The following PPP4R4 variants were observed in gnomAD, a reference collection of about 807,000 sequenced individuals.
PPP4R4 encodes serine/threonine-protein phosphatase 4 regulatory subunit 4.
Under a neutral mutation model 121.8 loss-of-function variants are expected in PPP4R4, and 70 were observed. That is an observed-to-expected ratio of 0.57 (90% CI 0.47 to 0.70). The LOEUF (loss-of-function observed/expected upper bound fraction) is 0.70, where lower values mean the gene tolerates loss of function less well. Ranked by LOEUF, PPP4R4 falls within the 30% of genes least tolerant of loss-of-function variation. PPP4R4 has a pLI of 0.00. For missense variants in PPP4R4, 875 were observed against 1,033.6 expected (o/e 0.85, Z 2.10); for synonymous variants, 348 against 355.7 (o/e 0.98, Z 0.24).
At chr14:94,187,291 G>A (rs910227893) in intron 2 of PPP4R4, among the ~76,000 whole-genome samples, 9 of 152,034 alleles carry the variant, frequency 5.9e-5, no homozygotes, top group Non-Finnish European at 1.2e-4. Context: ...GGATGACAGA[G>A]CAAGACTCTG....
At position 94,256,464 on chromosome 14, in the gene PPP4R4, A is replaced by C. The variant is rs1211088406; in HGVS notation, c.1870A>C (p.Lys624Gln). The C allele has an allele frequency of 6.3e-7, 1 of 1,585,348 alleles. No homozygotes were observed. Reference protein sequence around the residue: ...THDPVANVRMKLCYLLPKVKS... With the variant: ...THDPVANVRMQLCYLLPKVKS... ...GTAAATACTATTTTATTGTAGAATG[A>C]AACTTTGCTACCTGTTGCCCAAAGT... The change falls in exon 17 of 25, where the codon AAA (lysine) becomes CAA (glutamine). Residue 624 changes from lysine (K) to glutamine (Q), a missense_variant. By Grantham distance (53) the Lys-to-Gln change is moderately conservative (BLOSUM62 1). Coordinates refer to ENST00000304338, the MANE Select transcript of PPP4R4 (RefSeq NM_058237.2).
chr14:94,235,955 G>T (rs1239686089), intron 7 of PPP4R4, among the ~76,000 whole-genome samples: 1 of 152,204 alleles, frequency 6.6e-6, no homozygotes, highest in Non-Finnish European at 1.5e-5. Flanking sequence ...AGGACAATCA[G>T]ATTGTGGTCA....
chr14:94,186,768 T>C (rs1889308907), intron 2 of PPP4R4, among the ~76,000 whole-genome samples: 1 of 152,220 alleles, frequency 6.6e-6, no homozygotes, highest in South Asian at 2.1e-4. Context: ...ATATGATCAG[T>C]CTTTTTAATT....
In PPP4R4 at chr14:94,240,690, A is replaced by G. The variant is rs779892770; in HGVS notation, c.871A>G (p.Ile291Val). The G allele has an allele frequency of 2.5e-6, 4 of 1,606,574 alleles. No homozygotes were observed. The African/African-American group carries it at 5.4e-5, about 22-fold the overall frequency. ...IFDTDDRSQTILPLVKSFCEK... is the reference protein window; with the variant it reads ...IFDTDDRSQTVLPLVKSFCEK... ...TTTTCCAGATGACAGAAGTCAAACT[A>G]TACTTCCCTTAGTGAAATCATTTTG... Residue 291 changes from isoleucine to valine, a missense_variant, in exon 9 of 25, where the codon ATA (isoleucine) becomes GTA (valine). By Grantham distance (29) the Ile-to-Val change is conservative (BLOSUM62 3). Coordinates refer to ENST00000304338, the MANE Select transcript of PPP4R4 (RefSeq NM_058237.2).
At chr14:94,184,746 C>T (rs986187945) in intron 2 of PPP4R4, among the ~76,000 whole-genome samples, 1 of 152,120 alleles carries the variant, frequency 6.6e-6, no homozygotes, top group Admixed American at 6.5e-5. Context: ...TCACTTTTGG[C>T]TTATCCTTAT....
chr14:94,190,564 G>A (rs1261893218), intron 2 of PPP4R4, among the ~76,000 whole-genome samples: 1 of 152,108 alleles, frequency 6.6e-6, no homozygotes, highest in Non-Finnish European at 1.5e-5. Flanking sequence ...TTGTGTCATT[G>A]CACTTAAGCC....
chr14:94,267,122 GTTTTCT>G, intron 23 of PPP4R4, 93 bp downstream of exon 23: 1 of 765,080 alleles, frequency 1.3e-6, no homozygotes. Flanking sequence ...TAGATGTAGT[GTTTTCT>G]TAAATCTAAA....
intron 5 of PPP4R4, among the ~76,000 whole-genome samples, chr14:94,232,933 C>G (rs34809426): frequency 0.13 from 19,288 of 152,104 alleles, 1,357 homozygotes; most frequent in Admixed American, 0.21. Flanking sequence ...TGGCAGGCGC[C>G]TGTAGTCCCA....
At chr14:94,183,579 C>CT (rs1171747027) in intron 2 of PPP4R4, among the ~76,000 whole-genome samples, 1 of 152,164 alleles carries the variant, frequency 6.6e-6, no homozygotes, top group Non-Finnish European at 1.5e-5. Flanking sequence ...GCATCTGTGT[C>CT]TTTTTTCCTA....
intron 2 of PPP4R4, among the ~76,000 whole-genome samples, chr14:94,181,049 C>T (rs908555778): frequency 1.3e-5 from 2 of 152,202 alleles, no homozygotes; most frequent in Non-Finnish European, 2.9e-5. Context: ...GGTTGTTTTT[C>T]TTTTAAAATA....
At chr14:94,202,400 CA>C (rs774076469) in intron 2 of PPP4R4, among the ~76,000 whole-genome samples, 2 of 152,048 alleles carry the variant, frequency 1.3e-5, no homozygotes, top group Non-Finnish European at 2.9e-5. Context: ...TATAAATAAA[CA>C]AAGATAAATA....
At chr14:94,259,199 A>G in intron 18 of PPP4R4, 96 bp from the exon 19 acceptor site, 1 of 1,497,970 alleles carries the variant, frequency 6.7e-7, no homozygotes, top group Non-Finnish European at 8.9e-7. Context: ...ATGGGGACAC[A>G]GAGTCAAACC....
intron 24 of PPP4R4, 143 bp downstream of exon 24, chr14:94,275,664 A>G (rs1894599115): frequency 1.1e-6 from 1 of 923,380 alleles, no homozygotes; most frequent in Admixed American, 2.7e-5. Context: ...TTATTGTCAC[A>G]TGTGACTCTG....
At chr14:94,223,262 T>A (rs1891513239) in intron 3 of PPP4R4, among the ~76,000 whole-genome samples, 2 of 152,176 alleles carry the variant, frequency 1.3e-5, no homozygotes. Flanking sequence ...ATGTGCTTGG[T>A]CTTGTATTTG....
intron 2 of PPP4R4, among the ~76,000 whole-genome samples, chr14:94,195,251 T>G (rs1434390772): frequency 6.6e-6 from 1 of 151,786 alleles, no homozygotes; most frequent in Non-Finnish European, 1.5e-5. Flanking sequence ...ACCTGGAAAC[T>G]TCTTAGAAAC....
At chr14:94,203,033 T>C (rs1890275264) in intron 2 of PPP4R4, among the ~76,000 whole-genome samples, 1 of 152,020 alleles carries the variant, frequency 6.6e-6, no homozygotes, top group Non-Finnish European at 1.5e-5. Flanking sequence ...TCACATACAG[T>C]TGTAAGAAAT....
chr14:94,194,718 C>T (rs1238384983), intron 2 of PPP4R4, among the ~76,000 whole-genome samples: 1 of 152,094 alleles, frequency 6.6e-6, no homozygotes, highest in East Asian at 1.9e-4. Context: ...ATCTTCCTCT[C>T]TTAGTCTCTT....
At chr14:94,201,294 GT>G (rs1240870133) in intron 2 of PPP4R4, among the ~76,000 whole-genome samples, 1 of 152,118 alleles carries the variant, frequency 6.6e-6, no homozygotes, top group Non-Finnish European at 1.5e-5. Context: ...TAGAAAGTGT[GT>G]TCTTCAGTTG....
intron 24 of PPP4R4, among the ~76,000 whole-genome samples, chr14:94,276,940 A>G (rs924941659): frequency 5.3e-5 from 8 of 152,230 alleles, no homozygotes; most frequent in African/African-American, 1.9e-4. Context: ...ATTTTTATTT[A>G]CAGAGAATGC....
Sources: allele counts gnomAD v4.1 joint callset (sites outside exome capture counted in the v4.1 genomes callset), GRCh38; gene constraint gnomAD v4.1.1; transcripts MANE v1.5; gene names NCBI Gene and HGNC (gene_info 2026-07-23, HGNC 2026-07-21).